ANKRD18B: variants seen among roughly 807,000 people sequenced by gnomAD.
ANKRD18B encodes ankyrin repeat domain 18B.
A neutral mutation model predicts 111.8 loss-of-function variants in ANKRD18B; 75 were observed. That is an observed-to-expected ratio of 0.67 (90% confidence interval 0.56 to 0.81). The LOEUF (loss-of-function observed/expected upper bound fraction) is 0.81. Among genes scored for constraint, ANKRD18B ranks in the 40% least tolerant of loss-of-function variants. The pLI is 0.00. For synonymous variants in ANKRD18B, 356 were observed against 417.3 expected (o/e 0.85, Z 1.79); for missense variants, 1,038 against 1,225.5 (o/e 0.85, Z 2.28).
chr9:33,572,355 C>G lies in ANKRD18B; in HGVS notation c.3263C>G (p.Ser1088Cys), dbSNP rs199924647. Reference protein sequence around the residue: ...ALGPCSYLLSSLESTGKPHLM... With the variant: ...ALGPCSYLLSCLESTGKPHLM... The stretch of plus-strand genomic sequence containing the variant: ...GGCCCTTGCTCCTATCTACTTTCTT[C>G]TCTAGAATCCACTGGTAAGCCACAT... The change falls in exon 19 of 19, where the codon TCT becomes TGT. Residue 1088 changes from serine to cysteine, a missense_variant. Physicochemically the swap from Ser to Cys is moderately radical, Grantham distance 112. This residue lies in a region of ANKRD18B where 524 missense variants were observed against 677.9 expected (regional missense o/e 0.77). Transcript: ENST00000684830. The G allele has an allele frequency of 1.2e-6, 2 of 1,610,870 alleles. No individual in the cohort carries two copies. Among genetic ancestry groups the G allele is most frequent in the Non-Finnish European group, 1.7e-6 (2 of 1,178,304 alleles).
chr9:33,558,679 A>G (rs1020631705), intron 14 of ANKRD18B, among the ~76,000 whole-genome samples: 1 of 152,220 alleles, frequency 6.6e-6, no homozygotes, highest in African/African-American at 2.4e-5. Context: ...TCTTTATAAT[A>G]CAATAATTTA....
chr9:33,532,930 G>A (rs1425377265), intron 3 of ANKRD18B, among the ~76,000 whole-genome samples: 2 of 152,204 alleles, frequency 1.3e-5, no homozygotes, highest in Non-Finnish European at 2.9e-5. Context: ...CTCAAATGCA[G>A]ATGATCATGG....
Position 33,567,190 on chromosome 9 carries a change from G to A in ANKRD18B, c.2830G>A (p.Val944Met). 2 of 1,550,268 alleles carry A rather than the reference G, an allele frequency of 1.3e-6. No individual in the cohort carries two copies. The highest frequency in any genetic ancestry group is 1.7e-6 in the Non-Finnish European group (2 of 1,146,350). ...LKKKELTLKD[V>M]ECKFSKMKTA... ...AAAGAAGGAACTCACACTTAAAGATGTGGAATGTAAATTCTCCAAAATGAA... is the reference window on the plus strand; with the variant it reads ...AAAGAAGGAACTCACACTTAAAGATATGGAATGTAAATTCTCCAAAATGAA... The change falls in exon 16 of 19, where the codon GTG becomes ATG. Residue 944 changes from valine (V) to methionine (M), a missense_variant. Val to Met is a conservative substitution (Grantham distance 21). This residue lies in a region of ANKRD18B where 524 missense variants were observed against 677.9 expected (regional missense o/e 0.77). Transcript: ENST00000684830.
In ANKRD18B at chr9:33,528,749, G is replaced by A. The variant is rs769202632; in HGVS notation, c.229G>A (p.Ala77Thr). 155 of 1,612,738 alleles carry A rather than the reference G, an allele frequency of 9.6e-5. No individual in the cohort carries two copies. Among genetic ancestry groups the A allele is most frequent in the Non-Finnish European group, 1.2e-4 (146 of 1,179,478 alleles). Residue 77 changes from alanine (A) to threonine (T), a missense_variant, in exon 2 of 19, where the codon GCC becomes ACC. Ala to Thr is a moderately conservative substitution (Grantham distance 58, BLOSUM62 0). Coordinates refer to ENST00000684830, the MANE Select transcript of ANKRD18B (RefSeq NM_001393611.1). ...KDRTVLHLAC[A>T]HGRVQVVTLL... ...TAGGACTGTTCTACATTTGGCCTGT[G>A]CCCATGGCCGTGTGCAAGTGGTCAC...
chr9:33,570,706 C>T (rs1380438708), intron 17 of ANKRD18B, among the ~76,000 whole-genome samples: 2 of 149,154 alleles, frequency 1.3e-5, no homozygotes, highest in Non-Finnish European at 3.0e-5. Flanking sequence ...GGCATGATCT[C>T]GGCTCACTGC....
chr9:33,561,594 A>AT lies in ANKRD18B; in HGVS notation c.2460+3408dup, dbSNP rs569515346. 9.8e-5 allele frequency among the ~76,000 whole-genome samples: 15 copies of AT among 152,346 alleles called. 1 individual carries two copies. In the South Asian group the frequency reaches 3.1e-3, roughly 32 times the overall value. On this transcript the variant is annotated intron_variant, in intron 14 of 18. Transcript: ENST00000684830. ...GTCATGGCTAAGAAAACACTGCCAA[A>AT]TGCAGTCACAAAGATTTATGCCAAC...
intron 9 of ANKRD18B, among the ~76,000 whole-genome samples, chr9:33,542,123 C>A (rs1828287878): frequency 6.6e-6 from 1 of 150,388 alleles, no homozygotes; most frequent in South Asian, 2.1e-4. Context: ...TCTTTAAACA[C>A]CTGTGCCTAC....
downstream of ANKRD18B, chr9:33,573,183 T>G (rs1445885957): frequency 1.0e-6 from 1 of 985,212 alleles, no homozygotes; most frequent in African/African-American, 1.7e-5. Context: ...GAATGAGTAA[T>G]TTTTCTTAAA....
At chr9:33,541,018 G>T (rs1446729968) in intron 8 of ANKRD18B, 129 bp from the exon 9 acceptor site, 2 of 1,121,066 alleles carry the variant, frequency 1.8e-6, no homozygotes, top group Admixed American at 5.7e-5. Context: ...AATTTGTGGT[G>T]ATGAGTGCAA....
At chr9:33,555,003 G>A (rs1396892950) in intron 12 of ANKRD18B, among the ~76,000 whole-genome samples, 2 of 121,994 alleles carry the variant, frequency 1.6e-5, no homozygotes, top group Admixed American at 8.2e-5. Context: ...TTTATCTCAA[G>A]TTTCAATATA....
At position 33,568,692 on chromosome 9, in the gene ANKRD18B, G is replaced by T. The variant is rs778186448; in HGVS notation, c.2976G>T (p.Val992=). The T allele has an allele frequency of 6.5e-7, 1 of 1,548,188 alleles. No individual in the cohort carries two copies. The highest frequency in any genetic ancestry group is 1.2e-5 in the South Asian group (1 of 82,978). The change falls in exon 17 of 19, where the codon GTG becomes GTT. Residue 992 remains valine (V), a synonymous_variant. Coordinates refer to ENST00000684830, the MANE Select transcript of ANKRD18B (RefSeq NM_001393611.1). ...KITKSDKKIA[V]ISTKLFMEKE... is the part of the protein sequence containing the mutation. Reference sequence around the variant, plus strand: ...ACAGATCGGATAAGAAAATAGCTGTGATCAGCACCAAGCTCTTTATGGAGA... The same window carrying T: ...ACAGATCGGATAAGAAAATAGCTGTTATCAGCACCAAGCTCTTTATGGAGA...
intron 10 of ANKRD18B, 43 bp from the exon 11 acceptor site, chr9:33,547,895 A>G: frequency 1.6e-6 from 2 of 1,264,864 alleles, no homozygotes; most frequent in Non-Finnish European, 2.1e-6. Context: ...ACCATCATAG[A>G]TTATTTTGAG....
At chr9:33,561,017 C>T (rs1230610126) in intron 14 of ANKRD18B, among the ~76,000 whole-genome samples, 1 of 152,098 alleles carries the variant, frequency 6.6e-6, no homozygotes, top group African/African-American at 2.4e-5. Context: ...AGTTTTTGTG[C>T]TTGCATATGT....
In ANKRD18B at chr9:33,548,708, T is replaced by C; in HGVS notation, c.1920T>C (p.Asn640=). Residue 640 remains asparagine, a synonymous_variant, in exon 11 of 19, where the codon AAT becomes AAC. Transcript: ENST00000684830. The part of the protein sequence containing the change: ...QLEDARKEGD[N]KEIVINIHRD... ...AGGATGCTCGTAAGGAAGGTGATAA[T>C]AAAGAGATAGTCATTAATATCCACA... 1 of 1,551,010 alleles carries C rather than the reference T, an allele frequency of 6.4e-7. No homozygotes were observed. The highest frequency in any genetic ancestry group is 8.7e-7 in the Non-Finnish European group (1 of 1,146,606).
At position 33,550,468 on chromosome 9, in the gene ANKRD18B, T is replaced by A; in HGVS notation, c.2106T>A (p.His702Gln). The part of the protein sequence containing the change: ...VREFQEELVD[H>Q]LKKFSMSESP... ...AATTTCAAGAAGAACTGGTCGATCA[T>A]CTTAAAAAATTTTCAATGTCAGAGT... The change falls in exon 12 of 19, where the codon CAT (histidine) becomes CAA (glutamine). Residue 702 changes from histidine to glutamine, a missense_variant. By Grantham distance (24) the His-to-Gln change is conservative. Coordinates refer to ENST00000684830, the MANE Select transcript of ANKRD18B (RefSeq NM_001393611.1). 1 of 1,547,066 alleles carries A rather than the reference T, an allele frequency of 6.5e-7. No homozygotes were observed. Among genetic ancestry groups the A allele is most frequent in the African/African-American group, 1.4e-5 (1 of 73,018 alleles).
Position 33,548,607 on chromosome 9 carries a change from A to G in ANKRD18B, c.1819A>G (p.Ile607Val), listed in dbSNP as rs1229840381. ...PNGEAKESQS[I>V]GKQNSSEERI... ...TGGGGAAGCTAAAGAAAGTCAATCC[A>G]TTGGAAAGCAGAACTCTTCAGAGGA... is the stretch of plus-strand genomic sequence containing the variant. Residue 607 changes from isoleucine (I) to valine (V), a missense_variant, in exon 11 of 19, where the codon ATT (isoleucine) becomes GTT (valine). Ile to Val is a conservative substitution (Grantham distance 29). This residue lies in a region of ANKRD18B where 524 missense variants were observed against 677.9 expected (regional missense o/e 0.77). Transcript: ENST00000684830. The G allele has an allele frequency of 1.9e-6, 3 of 1,551,262 alleles. No individual in the cohort carries two copies. Among genetic ancestry groups the G allele is most frequent in the Non-Finnish European group, 2.6e-6 (3 of 1,146,680 alleles).
chr9:33,568,538 C>T (rs778509597), intron 16 of ANKRD18B, 133 bp from the exon 17 acceptor site: 5 of 716,696 alleles, frequency 7.0e-6, no homozygotes, highest in Non-Finnish European at 1.1e-5. Flanking sequence ...TGCTCTCACA[C>T]ATCTTCGTGT....
intron 9 of ANKRD18B, among the ~76,000 whole-genome samples, chr9:33,542,557 T>C (rs1828295584): frequency 1.3e-5 from 2 of 152,030 alleles, no homozygotes; most frequent in South Asian, 4.1e-4. Flanking sequence ...AAATTTTCTG[T>C]AGAGTCAGGG....
intron 3 of ANKRD18B, among the ~76,000 whole-genome samples, chr9:33,531,722 G>T (rs1347946259): frequency 4.6e-5 from 7 of 150,912 alleles, no homozygotes; most frequent in Non-Finnish European, 8.8e-5. Context: ...GCATATATTG[G>T]TTCATAATAT....
Sources: allele counts gnomAD v4.1 joint callset (sites outside exome capture counted in the v4.1 genomes callset), GRCh38; gene constraint gnomAD v4.1.1; regional missense constraint gnomAD v4.1.1; transcripts MANE v1.5; gene names NCBI Gene and HGNC (gene_info 2026-07-23, HGNC 2026-07-21).